The following STXBP4 variants were observed in gnomAD, a reference collection of about 807,000 sequenced individuals.
STXBP4 encodes syntaxin-binding protein 4.
Under a neutral mutation model 76.1 loss-of-function variants are expected in STXBP4, and 55 were observed. That is an observed-to-expected ratio of 0.72 (90% CI 0.58 to 0.91). The LOEUF is 0.91. Ranked by LOEUF, STXBP4 falls within the 40% of genes least tolerant of loss-of-function variation. STXBP4 has a pLI of 0.00. For synonymous variants in STXBP4, 201 were observed against 220.2 expected (o/e 0.91, Z 0.77); for missense variants, 618 against 636.9 (o/e 0.97, Z 0.32).
At chr17:54,974,814 A>G (rs954446788) in intron 1 of STXBP4, among the ~76,000 whole-genome samples, 9 of 147,234 alleles carry the variant, frequency 6.1e-5, no homozygotes, top group African/African-American at 2.3e-4. Flanking sequence ...CACTCTGCCC[A>G]GAATAGCAGC....
downstream of STXBP4, among the ~76,000 whole-genome samples, chr17:55,177,347 C>T (rs150822130): frequency 2.9e-4 from 44 of 152,296 alleles, no homozygotes; most frequent in South Asian, 8.3e-3. Flanking sequence ...CTAAGCCTAG[C>T]GCCCTCACCT....
intron 17 of STXBP4, among the ~76,000 whole-genome samples, chr17:55,156,018 T>C (rs2080273241): frequency 6.6e-6 from 1 of 152,168 alleles, no homozygotes; most frequent in African/African-American, 2.4e-5. Context: ...GCAAATAGTA[T>C]TATGCTTTTG....
Position 55,017,214 on chromosome 17 carries a change from T to C in STXBP4, c.666+9617T>C, listed in dbSNP as rs1440148566. Among the ~76,000 whole-genome samples the C allele has an allele frequency of 3.3e-5, 5 of 152,326 alleles. No homozygotes were observed. The East Asian group carries it at 9.7e-4, about 29-fold the overall frequency. On this transcript the variant is annotated intron_variant, in intron 8 of 17. Coordinates refer to ENST00000376352, the MANE Select transcript of STXBP4 (RefSeq NM_178509.6). ...TCTCTTCGACTCTCTTTTTCTCCTC[T>C]GTCTCTTTCGCCTCTCTGCCTGTTT...
At chr17:55,062,730 TC>T (rs1303430233) in intron 12 of STXBP4, among the ~76,000 whole-genome samples, 3 of 152,192 alleles carry the variant, frequency 2.0e-5, no homozygotes, top group Non-Finnish European at 4.4e-5. Context: ...GTAAAAGTGT[TC>T]CTGTTTCTCC....
intron 6 of STXBP4, 39 bp from the exon 7 acceptor site, chr17:55,000,769 T>C (rs771584095): frequency 1.1e-5 from 14 of 1,317,676 alleles, no homozygotes; most frequent in African/African-American, 1.4e-5. Flanking sequence ...TGACCTACTT[T>C]AGTAAATGAC....
intron 1 of STXBP4, among the ~76,000 whole-genome samples, chr17:54,981,815 ACTC>A: frequency 6.6e-6 from 1 of 152,124 alleles, no homozygotes; most frequent in Non-Finnish European, 1.5e-5. Flanking sequence ...ATATTTAAGA[ACTC>A]CTAGAAACTG....
the STXBP4 span, among the ~76,000 whole-genome samples, chr17:55,192,584 A>C: frequency 6.6e-6 from 1 of 152,214 alleles, no homozygotes; most frequent in South Asian, 2.1e-4. Context: ...GAAAGGAAAT[A>C]CCTGAAGAGG....
the STXBP4 span, among the ~76,000 whole-genome samples, chr17:55,193,097 G>T: frequency 6.6e-6 from 1 of 152,122 alleles, no homozygotes; most frequent in Non-Finnish European, 1.5e-5. Context: ...CTACATAAAG[G>T]ACTGGTGTTC....
chr17:55,105,666 G>A (rs923334299), intron 16 of STXBP4, among the ~76,000 whole-genome samples: 1 of 150,932 alleles, frequency 6.6e-6, no homozygotes, highest in African/African-American at 2.4e-5. Context: ...TTTTAGTAGA[G>A]ACGGGGTTTC....
At chr17:55,014,516 T>G (rs966914613) in intron 8 of STXBP4, among the ~76,000 whole-genome samples, 9 of 152,124 alleles carry the variant, frequency 5.9e-5, no homozygotes, top group Non-Finnish European at 8.8e-5. Flanking sequence ...AGGACAGTTG[T>G]CCGGGACAGG....
intron 16 of STXBP4, among the ~76,000 whole-genome samples, chr17:55,115,190 A>C (rs1255289237): frequency 2.6e-5 from 4 of 151,862 alleles, no homozygotes; most frequent in Non-Finnish European, 5.9e-5. Flanking sequence ...AACTGAAGGA[A>C]ACAGACCACT....
the STXBP4 span, among the ~76,000 whole-genome samples, chr17:55,202,753 C>T: frequency 6.6e-6 from 1 of 152,260 alleles, no homozygotes; most frequent in African/African-American, 2.4e-5. Context: ...CCTTCCCTGA[C>T]TTTATGTGAT....
intron 17 of STXBP4, among the ~76,000 whole-genome samples, chr17:55,153,263 C>T (rs968721383): frequency 1.3e-5 from 2 of 152,122 alleles, no homozygotes; most frequent in African/African-American, 4.8e-5. Flanking sequence ...CATGAGAAAA[C>T]TGTAGAGGTT....
chr17:55,145,748 T>C (rs758167996), intron 17 of STXBP4, among the ~76,000 whole-genome samples: 5 of 152,158 alleles, frequency 3.3e-5, no homozygotes, highest in Non-Finnish European at 5.9e-5. Context: ...TGTGTGTGTG[T>C]GTACCAATGT....
chr17:55,086,016 A>G (rs115286627), intron 16 of STXBP4, among the ~76,000 whole-genome samples: 193 of 152,284 alleles, frequency 1.3e-3, no homozygotes, highest in African/African-American at 4.2e-3. Flanking sequence ...AGTGGAGGGA[A>G]ACACCTGCAC....
At chr17:55,132,818 C>T (rs903715132) in intron 16 of STXBP4, among the ~76,000 whole-genome samples, 20 of 152,054 alleles carry the variant, frequency 1.3e-4, no homozygotes, top group East Asian at 7.7e-4. Flanking sequence ...ACTGATTGAA[C>T]GACACTGAGC....
chr17:55,204,885 C>T, the STXBP4 span, among the ~76,000 whole-genome samples: 4 of 151,526 alleles, frequency 2.6e-5, no homozygotes, highest in African/African-American at 9.7e-5. Context: ...TCTAGAGCTA[C>T]ATACACATAT....
At chr17:55,149,421 T>C (rs1273516952) in intron 17 of STXBP4, among the ~76,000 whole-genome samples, 2 of 152,214 alleles carry the variant, frequency 1.3e-5, no homozygotes, top group Non-Finnish European at 2.9e-5. Flanking sequence ...TGGTAAGTTA[T>C]TTCAATACTC....
intron 16 of STXBP4, among the ~76,000 whole-genome samples, chr17:55,122,716 T>C (rs753687080): frequency 1.7e-4 from 26 of 152,306 alleles, no homozygotes; most frequent in Non-Finnish European, 3.5e-4. Flanking sequence ...AAAGTTTAGA[T>C]TGTCAACTTA....
Sources: allele counts gnomAD v4.1 joint callset (sites outside exome capture counted in the v4.1 genomes callset), GRCh38; gene constraint gnomAD v4.1.1; transcripts MANE v1.5; gene names NCBI Gene and HGNC (gene_info 2026-07-23, HGNC 2026-07-21).